The following CEP55 variants were observed in gnomAD, a reference collection of about 807,000 sequenced individuals.
CEP55 encodes centrosomal protein 55, also known as centrosomal protein of 55 kDa.
A neutral mutation model predicts 63.2 loss-of-function variants in CEP55; 57 were observed. The observed-to-expected ratio is 0.90, with a 90% CI of 0.73 to 1.13. The LOEUF is 1.13. Among genes scored for constraint, CEP55 ranks in the 50% most tolerant of loss-of-function variants. The probability of loss-of-function intolerance (pLI) is 0.00; values close to 1 mark genes in which losing one functional copy is unlikely to be tolerated. For missense variants in CEP55, 456 were observed against 518.9 expected (o/e 0.88, Z 1.18); for synonymous variants, 178 against 191.6 (o/e 0.93, Z 0.59).
At chr10:93,507,653 AT>A (rs1222834263) in intron 4 of CEP55, among the ~76,000 whole-genome samples, 2 of 151,380 alleles carry the variant, frequency 1.3e-5, no homozygotes, top group African/African-American at 4.9e-5. Context: ...TTTTTTCAGT[AT>A]TTTTCTCTTT....
intron 6 of CEP55, 39 bp from the exon 7 acceptor site, chr10:93,518,838 G>T (rs1304236796): frequency 2.7e-6 from 4 of 1,466,116 alleles, no homozygotes; most frequent in Non-Finnish European, 3.8e-6. Context: ...GCCGGAAAAG[G>T]TTGGATGTGA....
chr10:93,497,782 G>T (rs137917637), intron 1 of CEP55, among the ~76,000 whole-genome samples: 118 of 152,166 alleles, frequency 7.8e-4, no homozygotes, highest in African/African-American at 2.6e-3. Flanking sequence ...TGCTGAGGAA[G>T]GTTTGAACTG....
chr10:93,498,719 T>C (rs996764961), intron 1 of CEP55, among the ~76,000 whole-genome samples: 7 of 152,182 alleles, frequency 4.6e-5, no homozygotes, highest in Non-Finnish European at 8.8e-5. Context: ...TAATATTTAT[T>C]ACAGTTTGAG....
chr10:93,507,225 C>CT (rs137998042), intron 4 of CEP55, among the ~76,000 whole-genome samples, 169 bp downstream of exon 4: 65,592 of 134,452 alleles, frequency 0.49, 17,573 homozygotes, highest in Non-Finnish European at 0.6. Flanking sequence ...AGCATAGTCC[C>CT]TTTTTTTTTT....
rs926902165 is a variant in CEP55 at position 93,496,716 on chromosome 10, G to C, written c.-220G>C. On this transcript the variant is annotated 5_prime_UTR_variant, in exon 1 of 9. Transcript: ENST00000371485. ...GGCCCAAGGGAGGCGACCGCGGAGG[G>C]TGGCGAGGGGCGGCCAGGACCCGCA... 1.3e-5 allele frequency: 2 copies of C among 152,362 alleles called. No individual in the cohort carries two copies. Among genetic ancestry groups the C allele is most frequent in the African/African-American group, 2.4e-5 (1 of 41,476 alleles). 9.4% of individuals were successfully genotyped at this position (152,362 alleles called of 1,614,324 possible).
At chr10:93,502,634 A>G (rs1034001561) in intron 2 of CEP55, among the ~76,000 whole-genome samples, 3 of 152,200 alleles carry the variant, frequency 2.0e-5, no homozygotes, top group African/African-American at 4.8e-5. Flanking sequence ...TCATTTATCG[A>G]AAGTAAGCAG....
At position 93,516,960 on chromosome 10, in the gene CEP55, A is replaced by G; in HGVS notation, c.705A>G (p.Lys235=). The G allele has an allele frequency of 6.3e-7, 1 of 1,587,042 alleles. No individual in the cohort carries two copies. Among genetic ancestry groups the G allele is most frequent in the South Asian group, 1.1e-5 (1 of 87,420 alleles). Residue 235 remains lysine, a synonymous_variant, in exon 6 of 9, where the codon AAA becomes AAG. Coordinates refer to ENST00000371485, the MANE Select transcript of CEP55 (RefSeq NM_018131.5). ...GTTATCTTCAAGAAGAGAAGCAGAA[A>G]TGTTACAACGATCTCTTGGCAAGTG... is the stretch of plus-strand genomic sequence containing the variant. The part of the protein sequence containing the change: ...SEGYLQEEKQ[K]CYNDLLASAK...
At chr10:93,498,459 G>A (rs1334316571) in intron 1 of CEP55, among the ~76,000 whole-genome samples, 1 of 152,218 alleles carries the variant, frequency 6.6e-6, no homozygotes, top group Non-Finnish European at 1.5e-5. Context: ...GTGGCAGCAG[G>A]TGACTGAGAG....
intron 8 of CEP55, among the ~76,000 whole-genome samples, chr10:93,524,265 C>T (rs1218255122): frequency 2.0e-5 from 3 of 152,030 alleles, no homozygotes; most frequent in Admixed American, 6.6e-5. Flanking sequence ...GATATCACAC[C>T]GATCCCACAG....
intron 8 of CEP55, among the ~76,000 whole-genome samples, chr10:93,525,286 T>C (rs2057909883): frequency 6.6e-6 from 1 of 152,148 alleles, no homozygotes; most frequent in African/African-American, 2.4e-5. Context: ...AGCATTCTTA[T>C]ACACCAATAA....
At chr10:93,499,895 C>T (rs2057614927) in intron 1 of CEP55, 145 bp from the exon 2 acceptor site, 1 of 537,694 alleles carries the variant, frequency 1.9e-6, no homozygotes, top group African/African-American at 2.0e-5. Context: ...TACAATACCC[C>T]AGAAGCCTCC....
chr10:93,528,066 C>T lies in CEP55; in HGVS notation c.1308C>T (p.Ser436=). ...GTCCCACTGCTGCACTCAATGAAAG[C>T]CTGGTGGAATGTCCCAAGTGCAATA... is the stretch of plus-strand genomic sequence containing the variant. ...PKSPTAALNE[S]LVECPKCNIQ... The change falls in exon 9 of 9, where the codon AGC becomes AGT. Residue 436 remains serine (S), a synonymous_variant. Transcript: ENST00000371485. 2.5e-6 allele frequency: 4 copies of T among 1,613,998 alleles called. No individual in the cohort carries two copies. The highest frequency in any genetic ancestry group is 3.4e-6 in the Non-Finnish European group (4 of 1,179,964).
At chr10:93,502,577 G>GA (rs1461690970) in intron 2 of CEP55, among the ~76,000 whole-genome samples, 1 of 152,130 alleles carries the variant, frequency 6.6e-6, no homozygotes, top group Non-Finnish European at 1.5e-5. Flanking sequence ...AATCTTTGAA[G>GA]ATGTTAAGCA....
chr10:93,517,294 T>A, intron 6 of CEP55, 46 bp downstream of exon 6: 2 of 1,470,702 alleles, frequency 1.4e-6, no homozygotes, highest in Non-Finnish European at 1.8e-6. Context: ...CCGAACACTT[T>A]CTAAGTGTCA....
intron 8 of CEP55, among the ~76,000 whole-genome samples, chr10:93,521,066 A>G (rs1340305632): frequency 6.6e-6 from 1 of 152,054 alleles, no homozygotes; most frequent in African/African-American, 2.4e-5. Flanking sequence ...TGCATTTCCA[A>G]CTGAGGTACT....
intron 3 of CEP55, 66 bp from the exon 4 acceptor site, chr10:93,506,922 G>C: frequency 1.0e-6 from 1 of 990,018 alleles, no homozygotes; most frequent in Non-Finnish European, 1.6e-6. Flanking sequence ...TATTATTATG[G>C]TGAATGTAAT....
intron 4 of CEP55, 144 bp downstream of exon 4, chr10:93,507,200 G>C: frequency 2.0e-6 from 1 of 509,836 alleles, no homozygotes; most frequent in Non-Finnish European, 3.5e-6. Context: ...ATACATTCGA[G>C]AATCATTTCT....
chr10:93,503,973 CT>C (rs774307972), intron 3 of CEP55, among the ~76,000 whole-genome samples: 660 of 138,204 alleles, frequency 4.8e-3, no homozygotes, highest in Admixed American at 5.2e-3. Context: ...ATCTTAGTTT[CT>C]TTTTTTTTTT....
chr10:93,526,810 A>C (rs1224320310), intron 8 of CEP55, among the ~76,000 whole-genome samples: 1 of 152,178 alleles, frequency 6.6e-6, no homozygotes, highest in Non-Finnish European at 1.5e-5. Flanking sequence ...GGAAACCATC[A>C]TTCTCAGCAA....
Sources: allele counts gnomAD v4.1 joint callset (sites outside exome capture counted in the v4.1 genomes callset), GRCh38; gene constraint gnomAD v4.1.1; transcripts MANE v1.5; gene names NCBI Gene and HGNC (gene_info 2026-07-23, HGNC 2026-07-21).